MBTPS1: variants seen among roughly 807,000 people sequenced by gnomAD.
MBTPS1 encodes membrane bound transcription factor peptidase, site 1.
Under a neutral mutation model 127.8 loss-of-function variants are expected in MBTPS1, and 94 were observed. The ratio of observed to expected loss-of-function variants is 0.74; its 90% CI spans 0.62 to 0.87. MBTPS1 has a LOEUF of 0.87. Among genes scored for constraint, MBTPS1 ranks in the 40% least tolerant of loss-of-function variants. The pLI is 0.00. For synonymous variants in MBTPS1, 632 were observed against 509.4 expected (o/e 1.24, Z -3.24); for missense variants, 1,636 against 1,353.2 (o/e 1.21, Z -3.28).
In MBTPS1 at chr16:84,070,721, G is replaced by C. The variant is rs143702586; in HGVS notation, c.1649C>G (p.Ser550Cys). The stretch of plus-strand genomic sequence containing the variant: ...CCAAGGCCATAAGACCGAGGAGTAG[G>C]AGAAGGCAACTTCAATGTTGTCTCC... ...QNGDNIEVAF[S>C]YSSVLWPWSG... is the part of the protein sequence containing the mutation. Residue 550 changes from serine (S) to cysteine (C), a missense_variant, in exon 13 of 23, where the codon TCC becomes TGC. Physicochemically the swap from Ser to Cys is moderately radical, Grantham distance 112 (BLOSUM62 -1). Transcript: ENST00000343411. The C allele has an allele frequency of 3.2e-5, 52 of 1,614,008 alleles. No homozygotes were observed. The highest frequency in any genetic ancestry group is 4.2e-5 in the Non-Finnish European group (49 of 1,180,028).
At chr16:84,116,172 C>G (rs2086474145) in intron 1 of MBTPS1, among the ~76,000 whole-genome samples, 1 of 152,132 alleles carries the variant, frequency 6.6e-6, no homozygotes, top group Non-Finnish European at 1.5e-5. Context: ...CTCAGGGGCT[C>G]AACCCAATAT....
chr16:84,100,928 G>A (rs2086244469), intron 2 of MBTPS1, among the ~76,000 whole-genome samples: 1 of 149,920 alleles, frequency 6.7e-6, no homozygotes, highest in African/African-American at 2.5e-5. Context: ...GCCAAGGAGG[G>A]TGATCACTTG....
intron 20 of MBTPS1, chr16:84,059,746 C>T (rs1421539719): frequency 2.2e-5 from 4 of 180,644 alleles, no homozygotes; most frequent in African/African-American, 9.4e-5. Context: ...CCTGCGAAAT[C>T]TAAGCTACAG....
rs1241525143 is a variant in MBTPS1, at chr16:84,063,289, T to C, written c.2572+16A>G. ...CTGAGTGCCGAAGTCACAAAGTCCA[T>C]CTGCGTTTTTCCTACCCTTCTGTCG... On this transcript the variant is annotated intron_variant, in intron 19 of 22. Coordinates refer to ENST00000343411, the MANE Select transcript of MBTPS1 (RefSeq NM_003791.4). The C allele has an allele frequency of 1.9e-6, 3 of 1,601,706 alleles. No individual in the cohort carries two copies. Among genetic ancestry groups the C allele is most frequent in the Middle Eastern group, 1.7e-4 (1 of 5,902 alleles).
At chr16:84,059,073 C>T (rs933454542) in intron 21 of MBTPS1, among the ~76,000 whole-genome samples, 18 of 152,304 alleles carry the variant, frequency 1.2e-4, no homozygotes, top group African/African-American at 4.3e-4. Context: ...AAAGAATTAA[C>T]CAAATGTAAC....
Position 84,082,035 on chromosome 16 carries a change from G to A in MBTPS1, c.1287-127C>T, listed in dbSNP as rs2085949844. On this transcript the variant is annotated intron_variant, in intron 10 of 22. Coordinates refer to ENST00000343411, the MANE Select transcript of MBTPS1 (RefSeq NM_003791.4). ...CTTGTTTAGTATCCAACAGGTGCTT[G>A]TCTGGCACAGCCTGCATGAGAGAAT... 3 of 571,688 alleles carry A rather than the reference G, an allele frequency of 5.2e-6. No homozygotes were observed. The East Asian group carries it at 1.0e-4, about 20-fold the overall frequency. The allele number at this position is 571,688 out of a possible 1,614,324, so 35.4% of individuals were successfully genotyped here.
intron 11 of MBTPS1, among the ~76,000 whole-genome samples, chr16:84,079,661 C>T (rs942580116): frequency 7.2e-5 from 11 of 152,188 alleles, no homozygotes; most frequent in Non-Finnish European, 1.3e-4. Flanking sequence ...AGGCTTCTCA[C>T]TGTTGGAGAA....
At chr16:84,092,995 C>T (rs373659146) in intron 6 of MBTPS1, among the ~76,000 whole-genome samples, 193 bp downstream of exon 6, 28 of 152,260 alleles carry the variant, frequency 1.8e-4, no homozygotes, top group African/African-American at 6.3e-4. Context: ...TAGGTCGACA[C>T]AGTGGTTGGT....
At chr16:84,071,124 G>T (rs553926244) in intron 12 of MBTPS1, among the ~76,000 whole-genome samples, 3 of 152,202 alleles carry the variant, frequency 2.0e-5, no homozygotes, top group East Asian at 3.9e-4. Context: ...CAGATTTAAG[G>T]TTATTTCCCA....
intron 18 of MBTPS1, among the ~76,000 whole-genome samples, chr16:84,064,563 A>C (rs115675334): frequency 0.047 from 7,133 of 152,232 alleles, 255 homozygotes; most frequent in African/African-American, 0.096. Context: ...CATATCCTTA[A>C]ATCTACTTCT....
rs369637276 is a variant in MBTPS1 at position 84,102,023 on chromosome 16, G to A, written c.-240C>T. 162 of 481,698 alleles carry A rather than the reference G, an allele frequency of 3.4e-4. 1 individual carries two copies. Among genetic ancestry groups the A allele is most frequent in the African/African-American group, 3.1e-3 (158 of 51,420 alleles). 29.8% of individuals were successfully genotyped at this position (481,698 alleles called of 1,614,324 possible). A position where few individuals can be genotyped will look rare whatever the true frequency, so the allele number is the denominator to read the frequency against. On this transcript the variant is annotated 5_prime_UTR_variant, in exon 2 of 23. Transcript: ENST00000343411. ...TTGGAAATAAGGCTTCTCTCACTCA[G>A]GCCGTGACGACTGAGTCCTGTACTC... is the stretch of plus-strand genomic sequence containing the variant.
chr16:84,060,710 T>C lies in MBTPS1; in HGVS notation c.2676A>G (p.Ala892=). 1 of 1,614,008 alleles carries C rather than the reference T, an allele frequency of 6.2e-7. No individual in the cohort carries two copies. The highest frequency in any genetic ancestry group is 8.5e-7 in the Non-Finnish European group (1 of 1,179,936). Residue 892 remains alanine (A), a synonymous_variant, in exon 20 of 23, where the codon GCA becomes GCG. Coordinates refer to ENST00000343411, the MANE Select transcript of MBTPS1 (RefSeq NM_003791.4). Reference sequence around the variant, plus strand: ...CCATCCTCTCTGGAGTGACTGAGCCTGCTCCACTGGGAGGGCGCTGGCGGT... The same window carrying C: ...CCATCCTCTCTGGAGTGACTGAGCCCGCTCCACTGGGAGGGCGCTGGCGGT... The part of the protein sequence containing the change: ...SGNRQRPPSG[A]GSVTPERMEG...
chr16:84,111,682 C>T (rs1459471939), intron 1 of MBTPS1, among the ~76,000 whole-genome samples: 3 of 152,178 alleles, frequency 2.0e-5, no homozygotes, highest in Non-Finnish European at 1.5e-5. Flanking sequence ...CAGACGGAGA[C>T]AACCCTGCTG....
rs773020028 is a variant in MBTPS1 at position 84,093,259 on chromosome 16, T to C, written c.775A>G (p.Ser259Gly). 6.2e-7 allele frequency: 1 copy of C among 1,614,092 alleles called. No individual in the cohort carries two copies. Among genetic ancestry groups the C allele is most frequent in the East Asian group, 2.2e-5 (1 of 44,888 alleles). ...GCAAATCCTTGGCACTCCCTCATGC[T>C]GGCTATCACACCTGCCACGAATGTG... The part of the protein sequence containing the change: ...HGTFVAGVIA[S>G]MRECQGFAPD... The change falls in exon 6 of 23, where the codon AGC becomes GGC. Residue 259 changes from serine (S) to glycine (G), a missense_variant. By Grantham distance (56) the Ser-to-Gly change is moderately conservative. Coordinates refer to ENST00000343411, the MANE Select transcript of MBTPS1 (RefSeq NM_003791.4).
At chr16:84,112,569 T>G (rs557277525) in intron 1 of MBTPS1, among the ~76,000 whole-genome samples, 2 of 146,042 alleles carry the variant, frequency 1.4e-5, no homozygotes, top group Non-Finnish European at 1.5e-5. Context: ...GGCTGAGACA[T>G]GAGAATGGCG....
At chr16:84,091,622 G>T in intron 7 of MBTPS1, 110 bp downstream of exon 7, 1 of 734,056 alleles carries the variant, frequency 1.4e-6, no homozygotes, top group Non-Finnish European at 2.5e-6. Context: ...TTCTCACAAA[G>T]CTGTCACCAC....
At chr16:84,075,180 G>A (rs865821835) in intron 11 of MBTPS1, 1 of 152,938 alleles carries the variant, frequency 6.5e-6, no homozygotes, top group Non-Finnish European at 1.5e-5. Flanking sequence ...GCTGCGCCTG[G>A]ATTTCTCCAG....
chr16:84,105,453 G>A (rs1162422772), intron 1 of MBTPS1, among the ~76,000 whole-genome samples: 1 of 152,082 alleles, frequency 6.6e-6, no homozygotes, highest in East Asian at 1.9e-4. Flanking sequence ...GTTCTCTCCG[G>A]GCTGTGAAGA....
rs746296237 is a variant in MBTPS1 at position 84,090,888 on chromosome 16, C to G, written c.1018G>C (p.Gly340Arg). ...GGGGCTACTTACCCATAAAGAGGTC[C>G]GTCATTGCCAATAGCAGAAACCATG... ...VIMVSAIGND[G>R]PLYGTLNNPA... The change falls in exon 8 of 23, where the codon GGA becomes CGA. Residue 340 changes from glycine to arginine, a missense_variant. Coordinates refer to ENST00000343411, the MANE Select transcript of MBTPS1 (RefSeq NM_003791.4). 6 of 1,612,602 alleles carry G rather than the reference C, an allele frequency of 3.7e-6. No homozygotes were observed. Among genetic ancestry groups the G allele is most frequent in the Middle Eastern group, 1.6e-4 (1 of 6,082 alleles).
Sources: allele counts gnomAD v4.1 joint callset (sites outside exome capture counted in the v4.1 genomes callset), GRCh38; gene constraint gnomAD v4.1.1; transcripts MANE v1.5; gene names NCBI Gene and HGNC (gene_info 2026-07-23, HGNC 2026-07-21).